ADGRL2: variants seen among roughly 807,000 people sequenced by gnomAD.
The protein encoded by ADGRL2 is calcium-independent alpha-latrotoxin receptor 2.
ADGRL2 carries 44 observed loss-of-function variants against 157.4 expected under a neutral mutation model. The observed-to-expected ratio is 0.28, with a 90% confidence interval of 0.22 to 0.36. ADGRL2 has a LOEUF of 0.36. Ranked by LOEUF, ADGRL2 falls within the 10% of genes least tolerant of loss-of-function variation. The pLI, the probability that ADGRL2 is intolerant of heterozygous loss-of-function variation, is 1.00. For synonymous variants in ADGRL2, 585 were observed against 624.7 expected, an observed-to-expected ratio of 0.94 and a Z score of 0.95; for missense variants, 1,510 against 1,768.9, an observed-to-expected ratio of 0.85 and a Z score of 2.63.
At chr1:81,457,721 A>G (rs895789033) in intron 2 of ADGRL2, among the ~76,000 whole-genome samples, 1 of 152,206 alleles carries the variant, frequency 6.6e-6, no homozygotes, top group Non-Finnish European at 1.5e-5. Context: ...AAAATGATCC[A>G]GAAGTGAAAT....
At chr1:81,628,523 T>C (rs2081953190) in intron 3 of ADGRL2, among the ~76,000 whole-genome samples, 1 of 152,204 alleles carries the variant, frequency 6.6e-6, no homozygotes, top group South Asian at 2.1e-4. Flanking sequence ...ATATTTTTTT[T>C]CTCACAACAG....
chr1:81,953,379 T>C (rs578219067), intron 10 of ADGRL2, among the ~76,000 whole-genome samples: 1 of 152,278 alleles, frequency 6.6e-6, no homozygotes, highest in African/African-American at 2.4e-5. Context: ...GTTTATCATA[T>C]CAAAGACTGT....
chr1:81,448,669 A>C (rs10782761), intron 2 of ADGRL2, among the ~76,000 whole-genome samples: 86,818 of 151,656 alleles, frequency 0.57, 26,153 homozygotes, highest in Non-Finnish European at 0.66. Flanking sequence ...GGCAACATGG[A>C]AAAACTCTGT....
intron 2 of ADGRL2, among the ~76,000 whole-genome samples, chr1:81,484,990 A>G (rs2078469829): frequency 6.6e-6 from 1 of 152,114 alleles, no homozygotes; most frequent in Non-Finnish European, 1.5e-5. Flanking sequence ...CCAGATTCAA[A>G]GGGCAAATTC....
intron 1 of ADGRL2, among the ~76,000 whole-genome samples, chr1:81,703,150 T>G (rs2149040447): frequency 6.6e-6 from 1 of 152,276 alleles, no homozygotes; most frequent in East Asian, 1.9e-4. Flanking sequence ...TGGGCTGAAA[T>G]ATGTATTCCA....
chr1:81,392,840 T>C (rs1400348765), intron 1 of ADGRL2, among the ~76,000 whole-genome samples: 1 of 152,038 alleles, frequency 6.6e-6, no homozygotes, highest in Non-Finnish European at 1.5e-5. Context: ...TATCACTGAG[T>C]TACAAAATCT....
intron 2 of ADGRL2, among the ~76,000 whole-genome samples, chr1:81,785,449 C>A (rs921553775): frequency 3.3e-5 from 5 of 152,012 alleles, no homozygotes; most frequent in Admixed American, 2.6e-4. Flanking sequence ...ATGTTTAGGC[C>A]AGGTGTGATG....
chr1:81,979,813 T>G, intron 17 of ADGRL2, 56 bp from the exon 18 acceptor site: 1 of 979,618 alleles, frequency 1.0e-6, no homozygotes, highest in Non-Finnish European at 1.6e-6. Flanking sequence ...TTGCAAGAAC[T>G]ATTCATTTTT....
At chr1:81,981,220 T>C in intron 18 of ADGRL2, 1 of 248,466 alleles carries the variant, frequency 4.0e-6, no homozygotes, top group Non-Finnish European at 9.0e-6. Context: ...TTTTCTACAG[T>C]TCTTTTCTTC....
chr1:81,426,153 A>T (rs2101582870), intron 1 of ADGRL2, among the ~76,000 whole-genome samples: 1 of 152,318 alleles, frequency 6.6e-6, no homozygotes, highest in African/African-American at 2.4e-5. Context: ...AGTCATGTAG[A>T]ATTATGGTTG....
chr1:81,502,558 G>A (rs74095564), intron 2 of ADGRL2: 86,384 of 1,613,974 alleles, frequency 0.054, 4,105 homozygotes, highest in East Asian at 0.26. Context: ...TGACCGAGAA[G>A]GGGGGCCTGG....
At chr1:81,953,286 T>C (rs116541776) in intron 10 of ADGRL2, among the ~76,000 whole-genome samples, 26 of 152,294 alleles carry the variant, frequency 1.7e-4, no homozygotes, top group African/African-American at 6.0e-4. Flanking sequence ...TGGAAAGTAA[T>C]TATGTAGTCT....
At chr1:81,453,894 C>T (rs189145318) in intron 2 of ADGRL2, among the ~76,000 whole-genome samples, 1 of 152,240 alleles carries the variant, frequency 6.6e-6, no homozygotes, top group African/African-American at 2.4e-5. Flanking sequence ...CAAAGACATG[C>T]ACCAGCTCAG....
intron 3 of ADGRL2, among the ~76,000 whole-genome samples, chr1:81,935,612 T>C (rs2095299357): frequency 6.6e-6 from 1 of 151,944 alleles, no homozygotes; most frequent in African/African-American, 2.4e-5. Context: ...ACTTCAGTAT[T>C]TTATGTACTA....
chr1:81,612,783 T>G (rs1468581401), intron 3 of ADGRL2, among the ~76,000 whole-genome samples: 1 of 152,180 alleles, frequency 6.6e-6, no homozygotes, highest in Middle Eastern at 3.4e-3. Flanking sequence ...AAAGAAGACA[T>G]ACAAATGGTC....
intron 1 of ADGRL2, among the ~76,000 whole-genome samples, chr1:81,817,158 A>G (rs935851783): frequency 6.6e-6 from 1 of 151,604 alleles, no homozygotes; most frequent in African/African-American, 2.4e-5. Context: ...ATGTCTAAGT[A>G]TTTTTCATCA....
intron 1 of ADGRL2, among the ~76,000 whole-genome samples, chr1:81,747,022 ACGTG>A (rs1557615811): frequency 1.4e-5 from 2 of 144,884 alleles, no homozygotes; most frequent in Non-Finnish European, 3.0e-5. Context: ...GTATGTATAC[ACGTG>A]TATATACGTA....
upstream of ADGRL2, among the ~76,000 whole-genome samples, chr1:81,796,156 A>T (rs918802533): frequency 1.3e-5 from 2 of 151,962 alleles, no homozygotes; most frequent in African/African-American, 4.8e-5. Context: ...GTGCCCAGCT[A>T]ATTTTTGTAT....
intron 1 of ADGRL2, among the ~76,000 whole-genome samples, chr1:81,310,663 A>G (rs967538998): frequency 6.6e-6 from 1 of 152,154 alleles, no homozygotes; most frequent in African/African-American, 2.4e-5. Flanking sequence ...CTTTAAAGTT[A>G]TTTTAATATA....
Sources: gnomAD v4.1 joint callset for allele counts (sites outside exome capture counted in the v4.1 genomes callset) on GRCh38, gnomAD v4.1.1 for gene constraint, MANE v1.5 for transcripts, NCBI Gene and HGNC (gene_info 2026-07-23, HGNC 2026-07-21) for gene names.